The following ASXL3 variants were observed in gnomAD, a reference collection of about 807,000 sequenced individuals.
ASXL3 encodes putative Polycomb group protein ASXL3.
A neutral mutation model predicts 170.6 loss-of-function variants in ASXL3; 34 were observed. That is an observed-to-expected ratio of 0.20 (90% CI 0.15 to 0.27). The LOEUF is 0.27. ASXL3 is among the 10% of genes least tolerant of loss of function. The pLI is 1.00. For missense variants in ASXL3, 2,592 were observed against 2,695.3 expected (o/e 0.96, Z 0.85); for synonymous variants, 1,002 against 989.1 (o/e 1.01, Z -0.24).
At chr18:33,735,650 T>C (rs1427384380) in intron 10 of ASXL3, among the ~76,000 whole-genome samples, 2 of 152,166 alleles carry the variant, frequency 1.3e-5, no homozygotes, top group Non-Finnish European at 1.5e-5. Flanking sequence ...GAGGATAAGA[T>C]TAAAGACCAC....
chr18:33,586,973 C>T (rs2065039650), intron 1 of ASXL3, among the ~76,000 whole-genome samples: 1 of 152,234 alleles, frequency 6.6e-6, no homozygotes, highest in East Asian at 1.9e-4. Context: ...GAGTATAGCT[C>T]ACATTTAACT....
chr18:33,615,886 G>T (rs754332434), intron 2 of ASXL3, among the ~76,000 whole-genome samples: 1 of 151,992 alleles, frequency 6.6e-6, no homozygotes, highest in Non-Finnish European at 1.5e-5. Flanking sequence ...TAATCTGGCC[G>T]TTTTTATATA....
chr18:33,678,166 A>T (rs551074049), intron 7 of ASXL3, among the ~76,000 whole-genome samples: 1 of 152,178 alleles, frequency 6.6e-6, no homozygotes, highest in Non-Finnish European at 1.5e-5. Context: ...GGCCTCAAAC[A>T]ATCCTCCCAC....
chr18:33,653,796 C>G (rs374550809), intron 4 of ASXL3, among the ~76,000 whole-genome samples: 2 of 151,870 alleles, frequency 1.3e-5, no homozygotes, highest in East Asian at 3.9e-4. Flanking sequence ...TTCTTGATAA[C>G]TTTTATAGAG....
intron 2 of ASXL3, among the ~76,000 whole-genome samples, chr18:33,624,124 C>T (rs1375736703): frequency 1.3e-5 from 2 of 152,074 alleles, no homozygotes; most frequent in Non-Finnish European, 2.9e-5. Flanking sequence ...TGCCACTGCA[C>T]TCCAGCCTAG....
At chr18:33,707,267 T>G (rs991090230) in intron 8 of ASXL3, among the ~76,000 whole-genome samples, 1 of 151,996 alleles carries the variant, frequency 6.6e-6, no homozygotes, top group African/African-American at 2.4e-5. Context: ...GCACAGGAAT[T>G]TTGGTTATGG....
intron 8 of ASXL3, among the ~76,000 whole-genome samples, chr18:33,710,116 C>T (rs2067030477): frequency 6.6e-6 from 1 of 152,046 alleles, no homozygotes; most frequent in South Asian, 2.1e-4. Context: ...ATTAGTCAGG[C>T]GTGGTGGCAC....
intron 2 of ASXL3, among the ~76,000 whole-genome samples, chr18:33,629,415 GT>G (rs2065645504): frequency 6.6e-6 from 1 of 152,028 alleles, no homozygotes; most frequent in Admixed American, 6.6e-5. Flanking sequence ...CCCAAGTTGT[GT>G]TTTTAGGAAG....
intron 1 of ASXL3, among the ~76,000 whole-genome samples, chr18:33,597,243 G>C (rs181534441): frequency 6.6e-6 from 1 of 152,006 alleles, no homozygotes; most frequent in South Asian, 2.1e-4. Context: ...TTTATATGGC[G>C]GGGATGTGGG....
chr18:33,598,298 CATTT>C (rs1461118576), intron 1 of ASXL3, among the ~76,000 whole-genome samples: 1 of 152,024 alleles, frequency 6.6e-6, no homozygotes, highest in Non-Finnish European at 1.5e-5. Context: ...CTAATATTCT[CATTT>C]ATATTTTTGT....
rs146540527 is a variant in ASXL3 at position 33,650,170 on chromosome 18, A to C, written c.355+3817A>C. 6.4e-3 allele frequency among the ~76,000 whole-genome samples: 976 copies of C among 152,276 alleles called. 14 individuals carry two copies. The highest frequency in any genetic ancestry group is 0.022 in the African/African-American group (922 of 41,562). ...GAAACAGACAATTATAGTAGAACTAACATTGACAAGATGTCATATTAGCAG... is the reference window on the plus strand; with the variant it reads ...GAAACAGACAATTATAGTAGAACTACCATTGACAAGATGTCATATTAGCAG... On this transcript the variant is annotated intron_variant, in intron 4 of 11. Coordinates refer to ENST00000269197, the MANE Select transcript of ASXL3 (RefSeq NM_030632.3).
intron 8 of ASXL3, among the ~76,000 whole-genome samples, chr18:33,701,699 C>T (rs986682091): frequency 1.3e-5 from 2 of 152,038 alleles, no homozygotes; most frequent in African/African-American, 4.8e-5. Context: ...CAGAATGTGT[C>T]TGGGTATGAA....
rs2145428567 is a variant in ASXL3 at position 33,744,356 on chromosome 18, G to C, written c.4508G>C (p.Arg1503Thr). 6.2e-7 allele frequency: 1 copy of C among 1,613,970 alleles called. No individual in the cohort carries two copies. The highest frequency in any genetic ancestry group is 1.3e-5 in the African/African-American group (1 of 75,050). ...SSEASLDLQG[R>T]PVRTEASVQP... The stretch of plus-strand genomic sequence containing the variant: ...GAAGCCAGCTTGGACCTGCAGGGCA[G>C]ACCAGTGAGGACAGAGGCATCCGTA... Residue 1503 changes from arginine to threonine, a missense_variant, in exon 12 of 12, where the codon AGA (arginine) becomes ACA (threonine). By Grantham distance (71) the Arg-to-Thr change is moderately conservative (BLOSUM62 -1). Around this residue, in one of 4 missense-constraint regions of ASXL3, gnomAD observed 2,246 missense variants for 2,219.6 expected, o/e 1.01. Coordinates refer to ENST00000269197, the MANE Select transcript of ASXL3 (RefSeq NM_030632.3).
chr18:33,700,968 C>T (rs952146352), intron 8 of ASXL3, among the ~76,000 whole-genome samples: 6 of 151,600 alleles, frequency 4.0e-5, no homozygotes, highest in Admixed American at 2.6e-4. Flanking sequence ...GAGAAGAGCA[C>T]GATAGGGGTT....
At chr18:33,732,190 A>G in intron 9 of ASXL3, 126 bp downstream of exon 9, 2 of 527,522 alleles carry the variant, frequency 3.8e-6, no homozygotes, top group Non-Finnish European at 6.2e-6. Flanking sequence ...AAAAACTCAT[A>G]TCCCTTTCCA....
At chr18:33,689,833 C>T (rs2066658995) in intron 8 of ASXL3, among the ~76,000 whole-genome samples, 1 of 152,092 alleles carries the variant, frequency 6.6e-6, no homozygotes, top group African/African-American at 2.4e-5. Flanking sequence ...TCCTGTTCCT[C>T]TTCAGATTTT....
intron 1 of ASXL3, among the ~76,000 whole-genome samples, chr18:33,598,742 C>G (rs943583763): frequency 1.3e-5 from 2 of 152,026 alleles, no homozygotes; most frequent in Non-Finnish European, 2.9e-5. Flanking sequence ...ACATATGAAC[C>G]TCGATGACAA....
At chr18:33,615,230 A>G (rs1389456395) in intron 2 of ASXL3, among the ~76,000 whole-genome samples, 1 of 152,122 alleles carries the variant, frequency 6.6e-6, no homozygotes, top group East Asian at 1.9e-4. Context: ...TACATTAGTA[A>G]TTGCTGCTTC....
intron 1 of ASXL3, among the ~76,000 whole-genome samples, chr18:33,596,333 C>A (rs2065126479): frequency 6.6e-6 from 1 of 152,052 alleles, no homozygotes; most frequent in African/African-American, 2.4e-5. Context: ...ATGGTAATGG[C>A]AAATTTTATT....
Sources: allele counts gnomAD v4.1 joint callset (sites outside exome capture counted in the v4.1 genomes callset), GRCh38; gene constraint gnomAD v4.1.1; regional missense constraint gnomAD v4.1.1; transcripts MANE v1.5; gene names NCBI Gene and HGNC (gene_info 2026-07-23, HGNC 2026-07-21).